UBAP2: variants seen among roughly 807,000 people sequenced by gnomAD.
UBAP2 encodes ubiquitin-associated protein 2.
In UBAP2, 75 loss-of-function variants were observed where a neutral mutation model predicts 139.6. That is an observed-to-expected ratio of 0.54 (90% CI 0.45 to 0.65). The LOEUF is 0.65. Ranked by LOEUF, UBAP2 falls within the 30% of genes least tolerant of loss-of-function variation. The pLI, the probability that UBAP2 is intolerant of heterozygous loss-of-function variation, is 0.00. For synonymous variants in UBAP2, 526 were observed against 526.2 expected (o/e 1.00, Z 0.01); for missense variants, 1,368 against 1,369.6 (o/e 1.00, Z 0.02).
chr9:34,046,643 CAAAAAAAAAAA>C (rs59971755), intron 1 of UBAP2, among the ~76,000 whole-genome samples: 7 of 122,344 alleles, frequency 5.7e-5, no homozygotes, highest in African/African-American at 1.6e-4. Context: ...GACTCCATCT[CAAAAAAAAAAA>C]AAAAAAAAAA....
chr9:33,929,658 TATAGAA>T (rs1823787540), intron 19 of UBAP2, among the ~76,000 whole-genome samples: 1 of 152,010 alleles, frequency 6.6e-6, no homozygotes, highest in Admixed American at 6.6e-5. Flanking sequence ...GGCTCCCTAA[TATAGAA>T]ATAGAGACCA....
At chr9:33,924,365 G>A in intron 22 of UBAP2, 81 bp from the exon 23 acceptor site, 1 of 1,358,372 alleles carries the variant, frequency 7.4e-7, no homozygotes, top group Non-Finnish European at 1.1e-6. Flanking sequence ...TGGAAGTGGT[G>A]ACGCCACACT....
intron 7 of UBAP2, among the ~76,000 whole-genome samples, chr9:33,972,213 C>T (rs950175115): frequency 6.6e-6 from 1 of 152,178 alleles, no homozygotes; most frequent in Non-Finnish European, 1.5e-5. Context: ...TGTTCAGCAC[C>T]TCTATTTCTT....
intron 23 of UBAP2, 101 bp downstream of exon 23, chr9:33,924,105 C>A: frequency 6.3e-7 from 1 of 1,581,118 alleles, no homozygotes; most frequent in Non-Finnish European, 8.7e-7. Flanking sequence ...TCAGCACAGG[C>A]TACTAAGAGG....
chr9:33,992,675 T>C (rs1191805343), intron 4 of UBAP2, among the ~76,000 whole-genome samples: 2 of 142,800 alleles, frequency 1.4e-5, no homozygotes, highest in Non-Finnish European at 1.5e-5. Flanking sequence ...GGGGCACAAA[T>C]AGGGAAAAGA....
chr9:33,999,287 TAGAG>T (rs1422427613), intron 2 of UBAP2, among the ~76,000 whole-genome samples: 1 of 148,230 alleles, frequency 6.7e-6, no homozygotes, highest in East Asian at 2.0e-4. Flanking sequence ...CTGGGCAACA[TAGAG>T]AGACCCTGTC....
intron 2 of UBAP2, among the ~76,000 whole-genome samples, chr9:34,002,536 C>A (rs1396209073): frequency 6.6e-6 from 1 of 152,012 alleles, no homozygotes; most frequent in Non-Finnish European, 1.5e-5. Context: ...TGCCACCACG[C>A]CTGGCTAATT....
chr9:33,982,589 T>C (rs307697), intron 6 of UBAP2, among the ~76,000 whole-genome samples: 60,507 of 151,918 alleles, frequency 0.4, 12,437 homozygotes, highest in South Asian at 0.48. Flanking sequence ...GTATATATAC[T>C]GATGAGAAAA....
At chr9:34,040,643 T>G (rs914856622) in intron 1 of UBAP2, among the ~76,000 whole-genome samples, 27 of 152,144 alleles carry the variant, frequency 1.8e-4, no homozygotes, top group Non-Finnish European at 1.2e-4. Flanking sequence ...GTGGCGTTCA[T>G]GAAAGATATA....
chr9:33,979,906 T>C (rs1002636378), intron 6 of UBAP2, among the ~76,000 whole-genome samples: 7 of 150,696 alleles, frequency 4.6e-5, no homozygotes. Context: ...ACCCCATCTC[T>C]ACTAAAAATA....
chr9:33,935,756 T>A (rs746235158), intron 17 of UBAP2, 83 bp downstream of exon 17: 2 of 1,512,256 alleles, frequency 1.3e-6, no homozygotes, highest in Non-Finnish European at 1.8e-6. Context: ...GACCAACTGG[T>A]GTTTTCCACA....
intron 16 of UBAP2, among the ~76,000 whole-genome samples, chr9:33,936,926 CAAAAAAAAAAAAAA>C (rs66465145): frequency 3.3e-5 from 2 of 59,794 alleles, no homozygotes; most frequent in African/African-American, 1.4e-4. Context: ...AACTCCAGCT[CAAAAAAAAAAAAAA>C]AAAAAAAAAA....
intron 6 of UBAP2, among the ~76,000 whole-genome samples, chr9:33,982,870 G>GT (rs1011770490): frequency 3.6e-4 from 52 of 145,202 alleles, no homozygotes; most frequent in South Asian, 1.5e-3. Context: ...AATGTGTGGT[G>GT]TTTTTTTTTG....
At chr9:33,998,697 C>T in intron 3 of UBAP2, 90 bp downstream of exon 3, 2 of 1,288,634 alleles carry the variant, frequency 1.6e-6, no homozygotes, top group Non-Finnish European at 2.2e-6. Context: ...AGAAGTAATA[C>T]TTTAAAACAA....
At chr9:34,013,547 C>T (rs777302127) in intron 2 of UBAP2, among the ~76,000 whole-genome samples, 9 of 151,974 alleles carry the variant, frequency 5.9e-5, no homozygotes, top group Non-Finnish European at 1.0e-4. Flanking sequence ...CTCAGAACAC[C>T]TCTAACATAA....
In UBAP2 at chr9:33,989,054, C is replaced by G; in HGVS notation, c.361G>C (p.Glu121Gln). The G allele has an allele frequency of 6.2e-7, 1 of 1,614,072 alleles. No individual in the cohort carries two copies. Among genetic ancestry groups the G allele is most frequent in the Non-Finnish European group, 8.5e-7 (1 of 1,180,002 alleles). The part of the protein sequence containing the change: ...KENSENKENR[E>Q]KKSEKESSRG... ...CTCGATTCTTTCTCGCTTTTCTTCTCTCTATTCTCTTTGTTTTCTGAATTT... is the reference window on the plus strand; with the variant it reads ...CTCGATTCTTTCTCGCTTTTCTTCTGTCTATTCTCTTTGTTTTCTGAATTT... The change falls in exon 5 of 29, where the codon GAG becomes CAG. Residue 121 changes from glutamate to glutamine, a missense_variant. By Grantham distance (29) the Glu-to-Gln change is conservative (BLOSUM62 2). Transcript: ENST00000379238.
intron 6 of UBAP2, among the ~76,000 whole-genome samples, chr9:33,981,538 A>G (rs1454321903): frequency 1.3e-5 from 2 of 149,820 alleles, no homozygotes; most frequent in East Asian, 4.0e-4. Flanking sequence ...TTTTTTTTAA[A>G]CAAAAAAAGC....
chr9:33,986,053 G>C (rs1322511627), intron 6 of UBAP2, among the ~76,000 whole-genome samples: 1 of 148,206 alleles, frequency 6.7e-6, no homozygotes, highest in Non-Finnish European at 1.5e-5. Context: ...GTATTTTTTT[G>C]TATTTTGTAT....
At chr9:34,046,672 A>G (rs991770006) in intron 1 of UBAP2, among the ~76,000 whole-genome samples, 1 of 142,158 alleles carries the variant, frequency 7.0e-6, no homozygotes, top group African/African-American at 2.7e-5. Flanking sequence ...AAAAAAAAAA[A>G]GAAGGCTTCA....
Sources: gnomAD v4.1 joint callset for allele counts (sites outside exome capture counted in the v4.1 genomes callset) on GRCh38, gnomAD v4.1.1 for gene constraint, MANE v1.5 for transcripts, NCBI Gene and HGNC (gene_info 2026-07-23, HGNC 2026-07-21) for gene names.